The following NBEA variants were observed in gnomAD, a reference collection of about 807,000 sequenced individuals.
NBEA encodes neurobeachin.
Under a neutral mutation model 343.4 loss-of-function variants are expected in NBEA, and 44 were observed. That is an observed-to-expected ratio of 0.13 (90% CI 0.10 to 0.16). The LOEUF (loss-of-function observed/expected upper bound fraction) is 0.16, where lower values mean the gene tolerates loss of function less well. Among genes scored for constraint, NBEA ranks in the 10% least tolerant of loss-of-function variants. The probability of loss-of-function intolerance (pLI) is 1.00; values close to 1 mark genes in which losing one functional copy is unlikely to be tolerated. For missense variants in NBEA, 2,555 were observed against 3,631.3 expected (o/e 0.70, Z 7.62); for synonymous variants, 1,175 against 1,238.7 (o/e 0.95, Z 1.08).
intron 31 of NBEA, among the ~76,000 whole-genome samples, chr13:35,198,008 T>G (rs1053007974): frequency 6.6e-6 from 1 of 152,180 alleles, no homozygotes; most frequent in Non-Finnish European, 1.5e-5. Flanking sequence ...CTATAATAGA[T>G]AAAATGTGTG....
intron 10 of NBEA, among the ~76,000 whole-genome samples, chr13:35,084,445 A>G (rs1394803784): frequency 6.6e-6 from 1 of 152,198 alleles, no homozygotes; most frequent in Non-Finnish European, 1.5e-5. Context: ...AAACCGCTCA[A>G]CTACATGGAA....
rs138311469 is a variant in NBEA at position 35,060,606 on chromosome 13, T to C, written c.1239+1743T>C. 4.5e-4 allele frequency among the ~76,000 whole-genome samples: 68 copies of C among 151,926 alleles called. No individual in the cohort carries two copies. The East Asian group carries it at 8.5e-3, about 19-fold the overall frequency. ...GCTCACTGCACCCCTTGTTGTTAGC[T>C]TGGGTTGATGATAAATCCACGGGTA... On this transcript the variant is annotated intron_variant, in intron 8 of 58. Transcript: ENST00000379939.
At chr13:35,250,827 A>C (rs1166245354) in intron 34 of NBEA, among the ~76,000 whole-genome samples, 1 of 152,270 alleles carries the variant, frequency 6.6e-6, no homozygotes, top group Non-Finnish European at 1.5e-5. Context: ...ATGGGATTTC[A>C]CAAAAATGAT....
At chr13:35,578,658 A>G (rs1215646906) in intron 45 of NBEA, among the ~76,000 whole-genome samples, 1 of 152,186 alleles carries the variant, frequency 6.6e-6, no homozygotes, top group Non-Finnish European at 1.5e-5. Context: ...AGTCTAGAAA[A>G]TGGATGTGAA....
At chr13:35,429,834 T>TGTGTGTGTAC (rs1555262949) in intron 38 of NBEA, among the ~76,000 whole-genome samples, 1,682 of 148,404 alleles carry the variant, frequency 0.011, 29 homozygotes, top group African/African-American at 0.035. Context: ...TGTGTGTGTG[T>TGTGTGTGTAC]ACACACATTT....
At chr13:35,519,103 G>A (rs149301207) in intron 41 of NBEA, among the ~76,000 whole-genome samples, 23 of 152,258 alleles carry the variant, frequency 1.5e-4, no homozygotes, top group East Asian at 9.6e-4. Flanking sequence ...TTATGCCTAC[G>A]TGTCTCTTTA....
At chr13:35,329,820 T>TAAACCAGACTTC (rs2038810804) in intron 36 of NBEA, among the ~76,000 whole-genome samples, 1 of 6,580 alleles carries the variant, frequency 1.5e-4, no homozygotes, top group Non-Finnish European at 4.5e-4. Flanking sequence ...AATTGTGTCT[T>TAAACCAGACTTC]AAAAAAACTA....
chr13:35,321,807 A>C (rs2038164996), intron 36 of NBEA, among the ~76,000 whole-genome samples: 1 of 152,180 alleles, frequency 6.6e-6, no homozygotes, highest in Non-Finnish European at 1.5e-5. Context: ...GAGATGAAGA[A>C]TCTAGAGAGG....
At chr13:34,956,276 T>C (rs2059487386) in intron 1 of NBEA, among the ~76,000 whole-genome samples, 1 of 152,114 alleles carries the variant, frequency 6.6e-6, no homozygotes, top group Non-Finnish European at 1.5e-5. Flanking sequence ...TGAATGATGA[T>C]TAACTTTTTA....
At chr13:35,379,897 G>A (rs547931317) in intron 38 of NBEA, among the ~76,000 whole-genome samples, 1 of 152,144 alleles carries the variant, frequency 6.6e-6, no homozygotes, top group East Asian at 1.9e-4. Context: ...CTTTATACCT[G>A]GTAGTGTAAG....
chr13:35,666,342 T>G (rs2085352461), intron 56 of NBEA, among the ~76,000 whole-genome samples: 1 of 149,812 alleles, frequency 6.7e-6, no homozygotes, highest in Non-Finnish European at 1.5e-5. Context: ...AATGGACACA[T>G]AGGATATTTT....
At chr13:35,027,290 T>A (rs1015122221) in intron 1 of NBEA, among the ~76,000 whole-genome samples, 1 of 152,124 alleles carries the variant, frequency 6.6e-6, no homozygotes, top group African/African-American at 2.4e-5. Context: ...GATAATATGC[T>A]AACTGTATGT....
intron 41 of NBEA, among the ~76,000 whole-genome samples, chr13:35,539,772 C>T (rs7987596): frequency 1.3e-5 from 2 of 150,944 alleles, no homozygotes; most frequent in South Asian, 2.1e-4. Context: ...AAAAATTAGC[C>T]GGGCGTGGTG....
chr13:35,665,000 G>A, intron 55 of NBEA, 85 bp from the exon 56 acceptor site: 1 of 888,136 alleles, frequency 1.1e-6, no homozygotes, highest in South Asian at 1.5e-5. Context: ...ATAAACATGG[G>A]TATTTTTTGA....
intron 51 of NBEA, among the ~76,000 whole-genome samples, chr13:35,648,063 A>C (rs528478947): frequency 4.0e-5 from 6 of 150,180 alleles, no homozygotes; most frequent in Non-Finnish European, 4.4e-5. Flanking sequence ...TTTTTTGTAG[A>C]GATTGGGTTT....
intron 34 of NBEA, among the ~76,000 whole-genome samples, chr13:35,263,332 G>A (rs1385431320): frequency 6.6e-6 from 1 of 152,106 alleles, no homozygotes; most frequent in Non-Finnish European, 1.5e-5. Context: ...TCCAATAATT[G>A]TAGCAGACTT....
chr13:35,231,572 A>G (rs191064758), intron 33 of NBEA, among the ~76,000 whole-genome samples: 1 of 152,222 alleles, frequency 6.6e-6, no homozygotes, highest in Non-Finnish European at 1.5e-5. Context: ...GTGAGTGTAA[A>G]TATGGGTGTG....
chr13:35,098,631 T>C (rs1258606284), intron 11 of NBEA, among the ~76,000 whole-genome samples: 2 of 152,200 alleles, frequency 1.3e-5, no homozygotes, highest in African/African-American at 4.8e-5. Flanking sequence ...AATTTACATC[T>C]ATATCTATTC....
At chr13:35,587,441 A>G (rs939314426) in intron 46 of NBEA, among the ~76,000 whole-genome samples, 1 of 152,110 alleles carries the variant, frequency 6.6e-6, no homozygotes, top group African/African-American at 2.4e-5. Context: ...GGTCCCGTCA[A>G]TGACAATCAT....
Sources: allele counts gnomAD v4.1 joint callset (sites outside exome capture counted in the v4.1 genomes callset), GRCh38; gene constraint gnomAD v4.1.1; transcripts MANE v1.5; gene names NCBI Gene and HGNC (gene_info 2026-07-23, HGNC 2026-07-21).